Variants in SLC24A1 observed in about 807,000 individuals in gnomAD.
The protein encoded by SLC24A1 is solute carrier family 24 member 1.
Under a neutral mutation model 88.1 loss-of-function variants are expected in SLC24A1, and 52 were observed. The ratio of observed to expected loss-of-function variants is 0.59; its 90% CI spans 0.47 to 0.74. The LOEUF is 0.74. Among genes scored for constraint, SLC24A1 ranks in the 30% least tolerant of loss-of-function variants. The pLI, the probability that SLC24A1 is intolerant of heterozygous loss-of-function variation, is 0.00. For synonymous variants in SLC24A1, 455 were observed against 498.0 expected, an observed-to-expected ratio of 0.91 and a Z score of 1.15; for missense variants, 1,173 against 1,363.3, an observed-to-expected ratio of 0.86 and a Z score of 2.20.
chr15:65,652,995 A>C (rs1345291391), intron 9 of SLC24A1, 187 bp downstream of exon 9: 10 of 435,766 alleles, frequency 2.3e-5, no homozygotes, highest in Non-Finnish European at 4.0e-5. Context: ...AATAGACCTA[A>C]AATGCTGCCT....
Position 65,639,583 on chromosome 15 carries a change from C to T in SLC24A1, c.1945-12C>T. ...GGACAGGGGCCCACTGTGCGGCTCTCCTCTTGCTCAGCTCCCGTCCTTGCT... is the reference window on the plus strand; with the variant it reads ...GGACAGGGGCCCACTGTGCGGCTCTTCTCTTGCTCAGCTCCCGTCCTTGCT... On this transcript the variant is annotated splice_polypyrimidine_tract_variant and intron_variant, in intron 3 of 9. Transcript: ENST00000261892. 1 of 1,591,208 alleles carries T rather than the reference C, an allele frequency of 6.3e-7. No homozygotes were observed. The highest frequency in any genetic ancestry group is 8.6e-7 in the Non-Finnish European group (1 of 1,167,624).
chr15:65,651,779 G>A lies in SLC24A1; in HGVS notation c.2883+20G>A, dbSNP rs778271935. ...CACCAGGTGAGTGAACAGCAGGAAC[G>A]AAATCCTCTACCAGCAGGTCCCAAC... On this transcript the variant is annotated intron_variant, in intron 8 of 9. Coordinates refer to ENST00000261892, the MANE Select transcript of SLC24A1 (RefSeq NM_004727.3). The A allele has an allele frequency of 5.3e-6, 7 of 1,332,814 alleles. No homozygotes were observed. Among genetic ancestry groups the A allele is most frequent in the South Asian group, 1.2e-5 (1 of 84,492 alleles). The allele number at this position is 1,332,814 out of a possible 1,614,324, so 82.6% of individuals were successfully genotyped here.
chr15:65,639,691 C>A lies in SLC24A1; in HGVS notation c.2041C>A (p.Pro681Thr), dbSNP rs747283516. The A allele has an allele frequency of 3.1e-6, 5 of 1,610,556 alleles. No individual in the cohort carries two copies. Among genetic ancestry groups the A allele is most frequent in the Middle Eastern group, 1.7e-4 (1 of 6,060 alleles). Reference sequence around the variant, plus strand: ...CCAGCTCATGCTCCACAGCCTGGACCCCCTGAGGGAAGGTAAGCAAGGCCT... The same window carrying A: ...CCAGCTCATGCTCCACAGCCTGGACACCCTGAGGGAAGGTAAGCAAGGCCT... Reference protein sequence around the residue: ...IYQLMLHSLDPLREVRLAKEK... With the variant: ...IYQLMLHSLDTLREVRLAKEK... Residue 681 changes from proline to threonine, a missense_variant, in exon 4 of 10, where the codon CCC becomes ACC. Physicochemically the swap from Pro to Thr is conservative, Grantham distance 38 (BLOSUM62 -1). Coordinates refer to ENST00000261892, the MANE Select transcript of SLC24A1 (RefSeq NM_004727.3).
At chr15:65,622,773 G>A (rs934530885) in intron 1 of SLC24A1, among the ~76,000 whole-genome samples, 3 of 147,322 alleles carry the variant, frequency 2.0e-5, no homozygotes, top group Non-Finnish European at 4.5e-5. Flanking sequence ...ACAGAGTCTT[G>A]CTCTGTTGCT....
chr15:65,648,349 A>G (rs1159403067), intron 6 of SLC24A1, among the ~76,000 whole-genome samples: 2 of 152,188 alleles, frequency 1.3e-5, no homozygotes, highest in Non-Finnish European at 1.5e-5. Context: ...ATATCATGAC[A>G]TTTGTTACAG....
intron 2 of SLC24A1, among the ~76,000 whole-genome samples, chr15:65,633,221 G>A (rs2074792194): frequency 6.6e-6 from 1 of 152,212 alleles, no homozygotes. Flanking sequence ...CGGCTAGTCT[G>A]ATTCATGATG....
At position 65,654,707 on chromosome 15, in the gene SLC24A1, CTTTTTT is replaced by C; in HGVS notation, c.*638_*643del. ...GCATCTGGATATATACCAGTATTTT[CTTTTTT>C]TTTTTTTTTGAGACAGAGTTTGGCT... On this transcript the variant is annotated 3_prime_UTR_variant, in exon 10 of 10. Coordinates refer to ENST00000261892, the MANE Select transcript of SLC24A1 (RefSeq NM_004727.3). 8.9e-7 allele frequency: 1 copy of C among 1,119,708 alleles called. No individual in the cohort carries two copies. Among genetic ancestry groups the C allele is most frequent in the Non-Finnish European group, 1.2e-6 (1 of 861,372 alleles). The allele number at this position is 1,119,708 out of a possible 1,614,324, so 69.4% of individuals were successfully genotyped here.
At chr15:65,630,307 A>T (rs1328372491) in intron 2 of SLC24A1, among the ~76,000 whole-genome samples, 1 of 152,162 alleles carries the variant, frequency 6.6e-6, no homozygotes, top group Non-Finnish European at 1.5e-5. Context: ...GCAGGATTTT[A>T]AAAATTAAAC....
intron 2 of SLC24A1, among the ~76,000 whole-genome samples, chr15:65,634,754 A>G (rs1245635967): frequency 2.7e-5 from 4 of 149,678 alleles, no homozygotes; most frequent in East Asian, 1.9e-4. Context: ...AAAAAAAAAA[A>G]AAAAGAAAAA....
chr15:65,617,046 T>G (rs887890544), upstream of SLC24A1, among the ~76,000 whole-genome samples: 1 of 152,170 alleles, frequency 6.6e-6, no homozygotes, highest in Non-Finnish European at 1.5e-5. Flanking sequence ...ATGTGTGGTG[T>G]TATTTCTGAG....
downstream of SLC24A1, chr15:65,659,330 T>TTG (rs1596367784): frequency 7.2e-5 from 9 of 125,380 alleles, 1 homozygote; most frequent in South Asian, 3.6e-4. Flanking sequence ...TGGTTTTTTT[T>TTG]TTTTTTTTTT....
In SLC24A1 at chr15:65,624,067, T is replaced by G. The variant is rs529425681; in HGVS notation, c.-14T>G. ...GAATGAGAGGCCTTCTGTAACCAGA[T>G]ATAACTGGCCAGCATGGGGAAATTG... On this transcript the variant is annotated 5_prime_UTR_variant, in exon 2 of 10. Transcript: ENST00000261892. The G allele has an allele frequency of 1.3e-6, 2 of 1,559,510 alleles. No individual in the cohort carries two copies. The highest frequency in any genetic ancestry group is 1.7e-6 in the Non-Finnish European group (2 of 1,156,136).
chr15:65,653,167 C>T (rs1005898840), intron 9 of SLC24A1, among the ~76,000 whole-genome samples: 1 of 152,172 alleles, frequency 6.6e-6, no homozygotes, highest in African/African-American at 2.4e-5. Flanking sequence ...TACTCTTGCT[C>T]CTTTGTATGT....
chr15:65,653,765 C>G, intron 9 of SLC24A1, 65 bp from the exon 10 acceptor site: 1 of 1,492,096 alleles, frequency 6.7e-7, no homozygotes. Flanking sequence ...GTATAAACTA[C>G]TATTTAAGTG....
rs1253151086 is a variant in SLC24A1 at position 65,644,531 on chromosome 15, C to G, written c.2140+18C>G. On this transcript the variant is annotated intron_variant, in intron 5 of 9. Coordinates refer to ENST00000261892, the MANE Select transcript of SLC24A1 (RefSeq NM_004727.3). ...ACCAGAAGGTGAGAGGATGGCCAGA[C>G]CAGTGGGTTTTCTCCTGCCCCCCTC... is the stretch of plus-strand genomic sequence containing the variant. 6.5e-7 allele frequency: 1 copy of G among 1,544,552 alleles called. No homozygotes were observed. The highest frequency in any genetic ancestry group is 8.8e-7 in the Non-Finnish European group (1 of 1,137,400).
rs1217590289 is a variant in SLC24A1 at position 65,624,607 on chromosome 15, G to T, written c.527G>T (p.Ser176Ile). 2 of 1,594,176 alleles carry T rather than the reference G, an allele frequency of 1.3e-6. No individual in the cohort carries two copies. The highest frequency in any genetic ancestry group is 1.7e-6 in the Non-Finnish European group (2 of 1,170,346). ...YTPTPRGEMK[S>I]YSPTQVREKV... Reference sequence around the variant, plus strand: ...CCAACACCCAGGGGAGAAATGAAGAGCTACAGCCCAACTCAAGTGAGGGAA... The same window carrying T: ...CCAACACCCAGGGGAGAAATGAAGATCTACAGCCCAACTCAAGTGAGGGAA... The change falls in exon 2 of 10, where the codon AGC becomes ATC. Residue 176 changes from serine (S) to isoleucine (I), a missense_variant. Ser to Ile is a moderately radical substitution (Grantham distance 142). Transcript: ENST00000261892.
Position 65,636,121 on chromosome 15 carries a change from C to T in SLC24A1, c.1891-2007C>T, listed in dbSNP as rs377122434. On this transcript the variant is annotated intron_variant, in intron 2 of 9. Coordinates refer to ENST00000261892, the MANE Select transcript of SLC24A1 (RefSeq NM_004727.3). ...GAGGGAAGCAATGAGAAGGTAAAGACGATTGCTGAGGGCAGCTATTTGTGA... is the reference window on the plus strand; with the variant it reads ...GAGGGAAGCAATGAGAAGGTAAAGATGATTGCTGAGGGCAGCTATTTGTGA... Among the ~76,000 whole-genome samples the T allele has an allele frequency of 2.2e-3, 329 of 152,256 alleles. 1 individual carries two copies. The highest frequency in any genetic ancestry group is 3.9e-3 in the Non-Finnish European group (265 of 68,016).
chr15:65,636,894 A>AATAATAATG (rs1555405233), intron 2 of SLC24A1, among the ~76,000 whole-genome samples: 3 of 150,702 alleles, frequency 2.0e-5, no homozygotes, highest in African/African-American at 7.3e-5. Context: ...TAATAATAAT[A>AATAATAATG]GTAATCCCAA....
At chr15:65,652,495 C>T (rs376571508) in intron 8 of SLC24A1, 147 bp from the exon 9 acceptor site, 9 of 619,454 alleles carry the variant, frequency 1.5e-5, no homozygotes, top group Middle Eastern at 4.5e-4. Context: ...TCTCAGCTGT[C>T]GGTCCCCCTA....
Sources: allele counts gnomAD v4.1 joint callset (sites outside exome capture counted in the v4.1 genomes callset), GRCh38; gene constraint gnomAD v4.1.1; transcripts MANE v1.5; gene names NCBI Gene and HGNC (gene_info 2026-07-23, HGNC 2026-07-21).